Variants in SMPX observed in about 807,000 individuals in gnomAD.
SMPX encodes small muscle protein X-linked.
A neutral mutation model predicts 6.3 loss-of-function variants in SMPX; 2 were observed. The observed-to-expected ratio is 0.32, with a 90% CI of 0.13 to 0.99. The LOEUF is 0.99. Among genes scored for constraint, SMPX ranks in the 50% least tolerant of loss-of-function variants. The probability of loss-of-function intolerance (pLI) is 0.49; values close to 1 mark genes in which losing one functional copy is unlikely to be tolerated. For synonymous variants in SMPX, 32 were observed against 24.7 expected (o/e 1.30, Z -0.88); for missense variants, 60 against 66.8 (o/e 0.90, Z 0.36).
chrX:21,746,650 G>GT (rs11420880), intron 2 of SMPX, among the ~76,000 whole-genome samples: 37,944 of 86,263 alleles, frequency 0.44, 7,324 homozygotes, highest in Non-Finnish European at 0.55. Context: ...ACTTAAATGG[G>GT]TTTTTTTTTT....
chrX:21,725,746 G>A (rs1215807560), intron 4 of SMPX, among the ~76,000 whole-genome samples: 1 of 112,226 alleles, frequency 8.9e-6, no homozygotes, highest in African/African-American at 3.2e-5. Flanking sequence ...AAGGATTCAG[G>A]TGATTGAGAA....
At chrX:21,745,728 A>G (rs753045857) in intron 2 of SMPX, among the ~76,000 whole-genome samples, 2 of 111,739 alleles carry the variant, frequency 1.8e-5, no homozygotes, top group Non-Finnish European at 3.8e-5. Flanking sequence ...AATTGTCCCT[A>G]CCCCAACCCA....
At chrX:21,731,687 CATGTACACATAAATGTGTATATGTGTAT>C in intron 4 of SMPX, among the ~76,000 whole-genome samples, 1 of 72,026 alleles carries the variant, frequency 1.4e-5, no homozygotes, top group African/African-American at 6.5e-5. Context: ...TTAATGTGTA[CATGTACACATAAATGTGTATATGTGTAT>C]ATGTACACAT....
chrX:21,754,659 G>A (rs1303030928), intron 1 of SMPX, among the ~76,000 whole-genome samples: 2 of 112,346 alleles, frequency 1.8e-5, no homozygotes, highest in East Asian at 2.8e-4. Flanking sequence ...CCTTTGTTCC[G>A]GGCCTCTGAA....
intron 4 of SMPX, among the ~76,000 whole-genome samples, chrX:21,731,351 CTGT>C (rs2092802925): frequency 9.6e-6 from 1 of 103,869 alleles, no homozygotes; most frequent in Non-Finnish European, 2.0e-5. Flanking sequence ...ATGTACTCTG[CTGT>C]TGTTGGGCAG....
intron 4 of SMPX, among the ~76,000 whole-genome samples, chrX:21,732,458 T>A (rs1165813302): frequency 1.8e-5 from 2 of 111,806 alleles, no homozygotes; most frequent in Non-Finnish European, 3.8e-5. Flanking sequence ...GAAGCTAGTC[T>A]TTCTTTTAAA....
intron 2 of SMPX, among the ~76,000 whole-genome samples, chrX:21,753,189 T>C (rs775373603): frequency 8.9e-6 from 1 of 112,014 alleles, no homozygotes; most frequent in South Asian, 3.8e-4. Context: ...CCTTCCTTGG[T>C]GGTTTGTTCA....
At chrX:21,734,959 G>A (rs1198992856) in intron 4 of SMPX, among the ~76,000 whole-genome samples, 3 of 111,450 alleles carry the variant, frequency 2.7e-5, no homozygotes, top group Non-Finnish European at 3.8e-5. Context: ...TGGACCTTGC[G>A]CCTTGTGGTT....
chrX:21,707,808 C>T (rs775262297), intron 4 of SMPX, among the ~76,000 whole-genome samples: 10 of 112,400 alleles, frequency 8.9e-5, no homozygotes, highest in African/African-American at 2.9e-4. Context: ...GGGCCACCCC[C>T]GCTAAAGCAC....
intron 3 of SMPX, among the ~76,000 whole-genome samples, chrX:21,740,375 A>G (rs2092814742): frequency 8.9e-6 from 1 of 112,400 alleles, no homozygotes; most frequent in African/African-American, 3.2e-5. Flanking sequence ...AGAGTGTAAA[A>G]GAAGGCTTAT....
In SMPX at chrX:21,758,053, T is replaced by G. The variant is rs2092834783; in HGVS notation, c.-124A>C. On this transcript the variant is annotated 5_prime_UTR_variant, in exon 1 of 5. Transcript: ENST00000379494. ...GCCCGGTGTCCTCTGAGCTGCGATCTCAATTCCGATGCTTTTCATGTGGCT... is the reference window on the plus strand; with the variant it reads ...GCCCGGTGTCCTCTGAGCTGCGATCGCAATTCCGATGCTTTTCATGTGGCT... 1 of 327,809 alleles carries G rather than the reference T, an allele frequency of 3.1e-6. No homozygotes were observed. The highest frequency in any genetic ancestry group is 2.6e-5 in the South Asian group (1 of 38,315). 27.0% of individuals were successfully genotyped at this position (327,809 alleles called of 1,213,427 possible).
intron 4 of SMPX, among the ~76,000 whole-genome samples, chrX:21,714,655 T>G (rs1261706708): frequency 8.9e-6 from 1 of 112,264 alleles, no homozygotes; most frequent in African/African-American, 3.2e-5. Flanking sequence ...CTTAATATTT[T>G]TTGAGATTGT....
At position 21,737,533 on chromosome X, in the gene SMPX, A is replaced by T. The variant is rs771005463; in HGVS notation, c.*14+16T>A. 7 of 1,192,336 alleles carry T rather than the reference A, an allele frequency of 5.9e-6. No homozygotes were observed. The highest frequency in any genetic ancestry group is 8.0e-6 in the Non-Finnish European group (7 of 879,895). ...CAGAGGACTTTTTGAGACAAAGAAGATAGTTTTTCACTCACCTTTTTTCTT... is the reference window on the plus strand; with the variant it reads ...CAGAGGACTTTTTGAGACAAAGAAGTTAGTTTTTCACTCACCTTTTTTCTT... On this transcript the variant is annotated intron_variant, in intron 4 of 4. Transcript: ENST00000379494.
chrX:21,757,345 T>C (rs2092834078), intron 1 of SMPX, among the ~76,000 whole-genome samples: 1 of 111,508 alleles, frequency 9.0e-6, no homozygotes, highest in Admixed American at 9.5e-5. Flanking sequence ...CTTCAGAACC[T>C]GGTGCCCACA....
At chrX:21,729,353 AT>A (rs758167995) in intron 4 of SMPX, among the ~76,000 whole-genome samples, 1 of 112,426 alleles carries the variant, frequency 8.9e-6, no homozygotes, top group East Asian at 2.8e-4. Flanking sequence ...CAGTATTGAC[AT>A]TTGGGGCTGG....
chrX:21,750,318 C>G (rs760054108), intron 2 of SMPX, among the ~76,000 whole-genome samples: 1 of 111,966 alleles, frequency 8.9e-6, no homozygotes, highest in South Asian at 3.8e-4. Context: ...TAAGAAGCAG[C>G]CTGGAGAGAC....
At chrX:21,731,857 CTAGT>C (rs979352974) in intron 4 of SMPX, among the ~76,000 whole-genome samples, 2 of 103,276 alleles carry the variant, frequency 1.9e-5, no homozygotes, top group African/African-American at 7.4e-5. Flanking sequence ...TATGTTAGGT[CTAGT>C]TAGTTTATGG....
At chrX:21,756,327 T>G (rs1288574182) in intron 1 of SMPX, among the ~76,000 whole-genome samples, 4 of 112,477 alleles carry the variant, frequency 3.6e-5, no homozygotes, top group Non-Finnish European at 7.5e-5. Context: ...TTTTATATTT[T>G]CAATGGACTG....
rs146347884 is a variant in SMPX, at chrX:21,749,455, C to G, written c.45+4791G>C. Among the ~76,000 whole-genome samples the G allele has an allele frequency of 8.0e-5, 9 of 112,053 alleles. No individual in the cohort carries two copies. The East Asian group carries it at 1.4e-3, about 18-fold the overall frequency. ...GCAGCATCCATAAAACGGTAATTGC[C>G]TCTCAAGTAGCCTTGGTGCTTATGA... On this transcript the variant is annotated intron_variant, in intron 2 of 4. Transcript: ENST00000379494.
Sources: gnomAD v4.1 joint callset for allele counts (sites outside exome capture counted in the v4.1 genomes callset) on GRCh38, gnomAD v4.1.1 for gene constraint, MANE v1.5 for transcripts, NCBI Gene and HGNC (gene_info 2026-07-23, HGNC 2026-07-21) for gene names.